The following AGBL4 variants were observed in gnomAD, a reference collection of about 807,000 sequenced individuals.
AGBL4 encodes the protein cytosolic carboxypeptidase 6.
In AGBL4, 58 loss-of-function variants were observed where a neutral mutation model predicts 66.4. The observed-to-expected ratio is 0.87, with a 90% CI of 0.71 to 1.09. The LOEUF (loss-of-function observed/expected upper bound fraction) is 1.09. Among genes scored for constraint, AGBL4 ranks in the 50% least tolerant of loss-of-function variants. The probability of loss-of-function intolerance (pLI) is 0.00; values close to 1 mark genes in which losing one functional copy is unlikely to be tolerated. For missense variants in AGBL4, 579 were observed against 631.0 expected (o/e 0.92, Z 0.88); for synonymous variants, 234 against 222.9 (o/e 1.05, Z -0.44).
At chr1:49,841,261 CA>C (rs957715782) in intron 2 of AGBL4, among the ~76,000 whole-genome samples, 7 of 151,884 alleles carry the variant, frequency 4.6e-5, no homozygotes, top group African/African-American at 1.7e-4. Context: ...ACACTAGCCA[CA>C]AAAAAATGAA....
chr1:49,437,017 G>T (rs1035091278), intron 3 of AGBL4, among the ~76,000 whole-genome samples: 54 of 152,272 alleles, frequency 3.5e-4, no homozygotes, highest in African/African-American at 1.2e-3. Flanking sequence ...CAGGCCAAAA[G>T]CCATTAGGTG....
intron 6 of AGBL4, among the ~76,000 whole-genome samples, chr1:48,737,612 C>T (rs1005831925): frequency 2.6e-5 from 4 of 152,144 alleles, no homozygotes. Flanking sequence ...GCACAAAGAA[C>T]AAAACACAAT....
chr1:49,582,012 G>T (rs2148884473), intron 3 of AGBL4, among the ~76,000 whole-genome samples: 1 of 152,304 alleles, frequency 6.6e-6, no homozygotes, highest in South Asian at 2.1e-4. Context: ...CTCTGAGCCA[G>T]CAGGTGGCAC....
At chr1:49,576,534 A>G (rs1644439693) in intron 3 of AGBL4, among the ~76,000 whole-genome samples, 1 of 152,206 alleles carries the variant, frequency 6.6e-6, no homozygotes, top group Admixed American at 6.5e-5. Flanking sequence ...TTTGGTGGAA[A>G]CTGAAAGTTT....
At chr1:48,581,883 A>C (rs532515892) in intron 11 of AGBL4, among the ~76,000 whole-genome samples, 114 of 152,344 alleles carry the variant, frequency 7.5e-4, no homozygotes, top group African/African-American at 2.6e-3. Flanking sequence ...AAGAGAACTC[A>C]CACCTAGGAC....
At chr1:48,627,483 T>C (rs1645523612) in intron 9 of AGBL4, among the ~76,000 whole-genome samples, 1 of 152,034 alleles carries the variant, frequency 6.6e-6, no homozygotes, top group Non-Finnish European at 1.5e-5. Flanking sequence ...TATTTGACCA[T>C]GTCACCAGCT....
intron 3 of AGBL4, among the ~76,000 whole-genome samples, chr1:49,380,250 A>G (rs1305808792): frequency 6.6e-6 from 1 of 152,208 alleles, no homozygotes; most frequent in Non-Finnish European, 1.5e-5. Context: ...TCCCATTCAC[A>G]GTTGCTTCAA....
intron 4 of AGBL4, among the ~76,000 whole-genome samples, chr1:49,189,928 T>C (rs1647084694): frequency 6.6e-6 from 1 of 152,214 alleles, no homozygotes; most frequent in Non-Finnish European, 1.5e-5. Flanking sequence ...CTCTATATCA[T>C]AAGATCTTTC....
At chr1:48,669,544 G>C (rs1347405699) in intron 6 of AGBL4, among the ~76,000 whole-genome samples, 1 of 152,074 alleles carries the variant, frequency 6.6e-6, no homozygotes, top group African/African-American at 2.4e-5. Context: ...CCCCAGTCAA[G>C]AACCACTCTC....
chr1:49,753,233 T>G (rs1181785072), intron 2 of AGBL4, among the ~76,000 whole-genome samples: 1 of 152,220 alleles, frequency 6.6e-6, no homozygotes, highest in African/African-American at 2.4e-5. Context: ...ATTTAGTGCT[T>G]CCTTCAGGAG....
chr1:49,529,287 A>G (rs1337877536), intron 3 of AGBL4, among the ~76,000 whole-genome samples: 1 of 152,162 alleles, frequency 6.6e-6, no homozygotes, highest in East Asian at 1.9e-4. Flanking sequence ...TTGGGATAAG[A>G]AAAAATTTGA....
At chr1:48,608,007 G>A (rs1450136380) in intron 9 of AGBL4, among the ~76,000 whole-genome samples, 2 of 152,214 alleles carry the variant, frequency 1.3e-5, no homozygotes, top group Non-Finnish European at 2.9e-5. Flanking sequence ...TGGCAGAACA[G>A]GACTTATTCC....
chr1:49,858,308 C>T (rs1169789024), intron 1 of AGBL4, among the ~76,000 whole-genome samples: 11 of 151,992 alleles, frequency 7.2e-5, no homozygotes, highest in Admixed American at 6.6e-4. Flanking sequence ...TACATAGACA[C>T]GATGGAGCAC....
intron 2 of AGBL4, among the ~76,000 whole-genome samples, chr1:49,742,305 C>T (rs1264253053): frequency 1.3e-5 from 2 of 151,768 alleles, no homozygotes. Flanking sequence ...TTCACAATTG[C>T]TTCAAAGAGA....
At chr1:49,107,257 G>C (rs1302729043) in intron 4 of AGBL4, among the ~76,000 whole-genome samples, 1 of 152,104 alleles carries the variant, frequency 6.6e-6, no homozygotes, top group African/African-American at 2.4e-5. Flanking sequence ...CAAAACTTTA[G>C]TATAAAATAG....
intron 3 of AGBL4, among the ~76,000 whole-genome samples, chr1:49,273,703 GTCTC>G (rs1644109042): frequency 1.3e-5 from 2 of 151,840 alleles, no homozygotes; most frequent in Admixed American, 6.6e-5. Context: ...TCGAGATGGA[GTCTC>G]TCTCTGTCAC....
chr1:49,396,082 T>A (rs1210206152), intron 3 of AGBL4, among the ~76,000 whole-genome samples: 1 of 151,572 alleles, frequency 6.6e-6, no homozygotes, highest in Non-Finnish European at 1.5e-5. Flanking sequence ...GCATCAGAGT[T>A]ACTTTTTGAG....
At chr1:49,067,749 CTTTA>C (rs1330806646) in intron 4 of AGBL4, among the ~76,000 whole-genome samples, 1 of 152,002 alleles carries the variant, frequency 6.6e-6, no homozygotes, top group Admixed American at 6.6e-5. Context: ...CATAGGCTCA[CTTTA>C]TTTATTTATT....
chr1:49,253,373 C>A (rs1652223574), intron 3 of AGBL4, among the ~76,000 whole-genome samples: 1 of 152,152 alleles, frequency 6.6e-6, no homozygotes, highest in Admixed American at 6.5e-5. Context: ...AATATATATG[C>A]ACCCAACACA....
Sources: allele counts gnomAD v4.1 joint callset (sites outside exome capture counted in the v4.1 genomes callset), GRCh38; gene constraint gnomAD v4.1.1; transcripts MANE v1.5; gene names NCBI Gene and HGNC (gene_info 2026-07-23, HGNC 2026-07-21).